Variants in DHX57 observed in about 807,000 individuals in gnomAD.
DHX57 encodes putative ATP-dependent RNA helicase DHX57.
DHX57 carries 105 observed loss-of-function variants against 156.2 expected under a neutral mutation model. The observed-to-expected ratio is 0.67, with a 90% CI of 0.57 to 0.79. The LOEUF (loss-of-function observed/expected upper bound fraction) is 0.79. DHX57 is among the 30% of genes least tolerant of loss of function. DHX57 has a pLI of 0.00. For missense variants in DHX57, 1,847 were observed against 1,661.9 expected (o/e 1.11, Z -1.94); for synonymous variants, 704 against 595.6 (o/e 1.18, Z -2.65).
chr2:38,875,536 G>A (rs1224700799), intron 1 of DHX57, among the ~76,000 whole-genome samples: 2 of 134,626 alleles, frequency 1.5e-5, no homozygotes, highest in East Asian at 2.0e-4. Context: ...CGCCCCCCCC[G>A]GCCCCAACCT....
intron 9 of DHX57, among the ~76,000 whole-genome samples, chr2:38,851,175 C>T (rs1672572392): frequency 6.6e-6 from 1 of 152,176 alleles, no homozygotes; most frequent in South Asian, 2.1e-4. Context: ...GGAAATACAT[C>T]TCTCTTTCTA....
chr2:38,813,709 G>T, intron 21 of DHX57, 112 bp downstream of exon 21: 1 of 1,256,104 alleles, frequency 8.0e-7, no homozygotes, highest in Non-Finnish European at 1.1e-6. Context: ...GTGCGTGTGT[G>T]CACACATGCG....
chr2:38,865,921 A>T (rs1665045574), intron 2 of DHX57, among the ~76,000 whole-genome samples: 1 of 152,116 alleles, frequency 6.6e-6, no homozygotes, highest in Non-Finnish European at 1.5e-5. Flanking sequence ...TTTATTCTCT[A>T]CAAAGCACAC....
intron 21 of DHX57, among the ~76,000 whole-genome samples, chr2:38,812,742 A>G (rs2148542484): frequency 6.6e-6 from 1 of 151,866 alleles, no homozygotes; most frequent in African/African-American, 2.4e-5. Context: ...CATATTGGTC[A>G]GGCTGGCCTC....
intron 9 of DHX57, among the ~76,000 whole-genome samples, chr2:38,850,707 A>G (rs920342647): frequency 1.6e-5 from 2 of 124,750 alleles, no homozygotes; most frequent in Non-Finnish European, 3.5e-5. Flanking sequence ...AAATAGTCCA[A>G]CAACAACAGG....
intron 21 of DHX57, among the ~76,000 whole-genome samples, chr2:38,806,898 A>C (rs1238454210): frequency 6.7e-6 from 1 of 148,284 alleles, no homozygotes; most frequent in East Asian, 2.0e-4. Flanking sequence ...AGAAGTATGA[A>C]TATAGGTGCA....
At chr2:38,832,008 C>G (rs914009285) in intron 13 of DHX57, among the ~76,000 whole-genome samples, 2 of 151,992 alleles carry the variant, frequency 1.3e-5, no homozygotes, top group South Asian at 4.2e-4. Context: ...GGCGACAGAG[C>G]AAGACTGTCA....
chr2:38,798,142 G>T lies in DHX57; in HGVS notation c.*157C>A. The T allele has an allele frequency of 2.3e-6, 2 of 876,076 alleles. No individual in the cohort carries two copies. Among genetic ancestry groups the T allele is most frequent in the Admixed American group, 3.2e-5 (1 of 30,848 alleles). The allele number at this position is 876,076 out of a possible 1,614,324, so 54.3% of individuals were successfully genotyped here. The stretch of plus-strand genomic sequence containing the variant: ...AAGGCTTTGTTAGAAATGGCCCTAA[G>T]GGTATATACACTGCCTCAGCTGCCT... On this transcript the variant is annotated 3_prime_UTR_variant, in exon 24 of 24. Transcript: ENST00000457308.
rs7598922 is a variant in DHX57 at position 38,855,202 on chromosome 2, T to C, written c.1760A>G (p.Asn587Ser). ...IPQFILDDSL[N>S]GPPEKVANII... ...GTTGGCTACCTTCTCAGGTGGTCCATTCAGAGAATCATCCAGAATAAACTG... is the reference window on the plus strand; with the variant it reads ...GTTGGCTACCTTCTCAGGTGGTCCACTCAGAGAATCATCCAGAATAAACTG... The change falls in exon 8 of 24, where the codon AAT becomes AGT. Residue 587 changes from asparagine (N) to serine (S), a missense_variant. By Grantham distance (46) the Asn-to-Ser change is conservative. Transcript: ENST00000457308. 0.62 allele frequency: 1,002,705 copies of C among 1,613,792 alleles called. 316,618 individuals carry two copies. Among genetic ancestry groups the C allele is most frequent in the East Asian group, 0.84 (37,492 of 44,866 alleles).
rs753921234 is a variant in DHX57, at chr2:38,806,574, T to C, written c.3801A>G (p.Ser1267=). 6.2e-7 allele frequency: 1 copy of C among 1,614,112 alleles called. No homozygotes were observed. Among genetic ancestry groups the C allele is most frequent in the Non-Finnish European group, 8.5e-7 (1 of 1,180,000 alleles). ...CCATTCTGACCTGATAGTTCACTGA[T>C]GAAGGGTGAATGTGTACATATCCAT... The part of the protein sequence containing the change: ...KNDGYVHIHP[S]SVNYQVRHFD... Residue 1267 remains serine, a synonymous_variant, in exon 22 of 24, where the codon TCA becomes TCG. Transcript: ENST00000457308.
rs763019925 is a variant in DHX57 at position 38,815,512 on chromosome 2, A to G, written c.3606+9T>C. On this transcript the variant is annotated intron_variant, in intron 20 of 23. Transcript: ENST00000457308. ...AAAGAGAAATGAGAACCAACTCCAC[A>G]TTCTTTACCTCTTCTCCTGTGGCAT... The G allele has an allele frequency of 1.9e-6, 3 of 1,613,894 alleles. No individual in the cohort carries two copies. In the Admixed American group the frequency reaches 5.0e-5, roughly 27 times the overall value.
At chr2:38,848,216 T>A in intron 10 of DHX57, 53 bp downstream of exon 10, 5 of 1,493,128 alleles carry the variant, frequency 3.3e-6, no homozygotes, top group Non-Finnish European at 4.5e-6. Flanking sequence ...AACTTTAAAA[T>A]AATTATATTT....
At chr2:38,850,947 T>C (rs1463895702) in intron 9 of DHX57, among the ~76,000 whole-genome samples, 1 of 152,004 alleles carries the variant, frequency 6.6e-6, no homozygotes, top group Non-Finnish European at 1.5e-5. Context: ...CCTGGTGGCG[T>C]GCACCTGTAG....
At chr2:38,863,941 G>A (rs924838253) in intron 2 of DHX57, among the ~76,000 whole-genome samples, 2 of 152,006 alleles carry the variant, frequency 1.3e-5, no homozygotes, top group African/African-American at 4.8e-5. Context: ...TGAACTTGGA[G>A]GTAGAGGTTG....
chr2:38,833,593 A>C (rs1671494135), intron 13 of DHX57, among the ~76,000 whole-genome samples: 1 of 152,208 alleles, frequency 6.6e-6, no homozygotes, highest in Non-Finnish European at 1.5e-5. Context: ...AGGGACTGCA[A>C]GTGAGGTTAA....
chr2:38,862,121 C>A, intron 4 of DHX57, 24 bp downstream of exon 4: 1 of 1,568,554 alleles, frequency 6.4e-7, no homozygotes, highest in East Asian at 2.3e-5. Flanking sequence ...TTTCCCAACT[C>A]CCATAAATGA....
intron 22 of DHX57, among the ~76,000 whole-genome samples, chr2:38,803,618 G>A (rs1274074220): frequency 6.6e-6 from 1 of 151,512 alleles, no homozygotes; most frequent in Non-Finnish European, 1.5e-5. Flanking sequence ...CTCCCAAGTA[G>A]CTGGGATTAT....
intron 11 of DHX57, among the ~76,000 whole-genome samples, chr2:38,843,713 A>G (rs1335499966): frequency 1.3e-5 from 2 of 152,272 alleles, no homozygotes; most frequent in Non-Finnish European, 2.9e-5. Context: ...ATTAGACATC[A>G]TGGCAAAGCA....
At position 38,862,311 on chromosome 2, in the gene DHX57, C is replaced by A; in HGVS notation, c.406G>T (p.Glu136Ter). 6.3e-7 allele frequency: 1 copy of A among 1,589,658 alleles called. No homozygotes were observed. The highest frequency in any genetic ancestry group is 1.3e-5 in the African/African-American group (1 of 74,598). ...GSERGLSGEEEDDEPDCCNDE... is the reference protein window; with the variant it reads ...GSERGLSGEE ...TTACAGCAATCAGGCTCATCATCTT[C>A]CTCCTCCCCAGAAAGGCCTCTTCTA... The change falls in exon 4 of 24, where the codon GAA (glutamate) becomes TAA (stop). Residue 136 changes from glutamate to a stop codon, truncating the protein, a stop_gained. Coordinates refer to ENST00000457308, the MANE Select transcript of DHX57 (RefSeq NM_198963.3). LOFTEE classifies it high-confidence loss of function.
Sources: allele counts gnomAD v4.1 joint callset (sites outside exome capture counted in the v4.1 genomes callset), GRCh38; gene constraint gnomAD v4.1.1; transcripts MANE v1.5; gene names NCBI Gene and HGNC (gene_info 2026-07-23, HGNC 2026-07-21).